RNF111: variants seen among roughly 807,000 people sequenced by gnomAD.
The protein encoded by RNF111 is E3 ubiquitin-protein ligase Arkadia.
A neutral mutation model predicts 95.1 loss-of-function variants in RNF111; 17 were observed. The observed-to-expected ratio is 0.18, with a 90% confidence interval of 0.12 to 0.27. The LOEUF is 0.27. Ranked by LOEUF, RNF111 falls within the 10% of genes least tolerant of loss-of-function variation. The pLI is 1.00. For missense variants in RNF111, 1,189 were observed against 1,210.4 expected, an observed-to-expected ratio of 0.98 and a Z score of 0.26; for synonymous variants, 440 against 414.8, an observed-to-expected ratio of 1.06 and a Z score of -0.74.
intron 1 of RNF111, among the ~76,000 whole-genome samples, chr15:58,994,374 C>A (rs908068800): frequency 6.6e-6 from 1 of 151,578 alleles, no homozygotes; most frequent in South Asian, 2.1e-4. Context: ...TTCAAACTTA[C>A]CGAAAGATTT....
At chr15:58,994,465 T>TTC (rs1445579141) in intron 1 of RNF111, among the ~76,000 whole-genome samples, 9 of 148,484 alleles carry the variant, frequency 6.1e-5, no homozygotes, top group East Asian at 2.0e-4. Context: ...CTTTCTTATT[T>TTC]TCTCTCTCTT....
chr15:59,092,499 T>C (rs1278437711), intron 12 of RNF111, 38 bp from the exon 13 acceptor site: 29 of 1,583,402 alleles, frequency 1.8e-5, no homozygotes, highest in Non-Finnish European at 2.5e-5. Context: ...AATAATGTCA[T>C]CTCTACTAAT....
At chr15:59,044,052 CAG>C (rs1192100496) in intron 2 of RNF111, among the ~76,000 whole-genome samples, 1 of 151,922 alleles carries the variant, frequency 6.6e-6, no homozygotes, top group East Asian at 1.9e-4. Context: ...TGGGGGGAGA[CAG>C]AGTTTCGCTT....
intron 1 of RNF111, among the ~76,000 whole-genome samples, chr15:59,029,499 T>A (rs1352781094): frequency 6.6e-6 from 1 of 152,220 alleles, no homozygotes; most frequent in African/African-American, 2.4e-5. Flanking sequence ...TTTGATAGCT[T>A]TCTGTAGGAA....
At chr15:59,013,237 A>G (rs1195648380) in intron 1 of RNF111, among the ~76,000 whole-genome samples, 1 of 152,218 alleles carries the variant, frequency 6.6e-6, no homozygotes, top group Non-Finnish European at 1.5e-5. Flanking sequence ...CAAAAATAGT[A>G]CACAGAGTTC....
intron 1 of RNF111, among the ~76,000 whole-genome samples, chr15:58,991,579 G>GT (rs1426364959): frequency 1.3e-5 from 2 of 152,154 alleles, no homozygotes; most frequent in African/African-American, 4.8e-5. Context: ...TGGTTAGGGA[G>GT]GGCCTTTTTA....
chr15:59,003,177 T>G (rs2039398740), intron 1 of RNF111, among the ~76,000 whole-genome samples: 1 of 151,824 alleles, frequency 6.6e-6, no homozygotes, highest in Admixed American at 6.6e-5. Context: ...GTGCAGTGGC[T>G]CAATGTCAGC....
Position 58,993,909 on chromosome 15 carries a change from A to T in RNF111, c.-20+5841A>T, listed in dbSNP as rs540080361. ...AAATAGAAAATTTAAGAAATTCTAT[A>T]TATGGCTAGGTGTCAAGTCTGAATC... On this transcript the variant is annotated intron_variant, in intron 1 of 13. Coordinates refer to ENST00000348370, the MANE Select transcript of RNF111 (RefSeq NM_017610.8). 1.4e-4 allele frequency among the ~76,000 whole-genome samples: 22 copies of T among 152,250 alleles called. No individual in the cohort carries two copies. The South Asian group carries it at 4.3e-3, about 30-fold the overall frequency.
intron 1 of RNF111, among the ~76,000 whole-genome samples, chr15:59,030,135 G>A (rs1468523458): frequency 2.6e-5 from 4 of 152,138 alleles, no homozygotes; most frequent in Non-Finnish European, 4.4e-5. Flanking sequence ...ATGTTCTGCT[G>A]TATTGTTTAT....
intron 6 of RNF111, among the ~76,000 whole-genome samples, chr15:59,071,020 G>A (rs751583310): frequency 5.9e-5 from 9 of 152,092 alleles, no homozygotes; most frequent in Non-Finnish European, 1.2e-4. Flanking sequence ...AGAAGTGGCC[G>A]GGCGCGGTGG....
chr15:59,078,840 T>C (rs948808376), intron 7 of RNF111, among the ~76,000 whole-genome samples: 3 of 144,360 alleles, frequency 2.1e-5, no homozygotes, highest in African/African-American at 7.8e-5. Context: ...GCCTGGGCGA[T>C]AGAGCGAGTC....
At chr15:59,034,185 G>A (rs1397079555) in intron 2 of RNF111, among the ~76,000 whole-genome samples, 2 of 152,058 alleles carry the variant, frequency 1.3e-5, no homozygotes, top group Non-Finnish European at 2.9e-5. Context: ...CATTTGCATA[G>A]TATTCCCTTT....
chr15:59,019,826 G>A (rs894409331), intron 1 of RNF111, among the ~76,000 whole-genome samples: 4 of 152,012 alleles, frequency 2.6e-5, no homozygotes, highest in East Asian at 1.9e-4. Context: ...AGGTGTGGTG[G>A]TGTGTGCCTA....
intron 10 of RNF111, among the ~76,000 whole-genome samples, chr15:59,087,719 C>A (rs1369491594): frequency 1.3e-5 from 2 of 152,068 alleles, no homozygotes; most frequent in Non-Finnish European, 2.9e-5. Flanking sequence ...AGGAGGGATT[C>A]ATCTTGCTGT....
chr15:59,042,037 T>C (rs1298881492), intron 2 of RNF111, among the ~76,000 whole-genome samples: 2 of 151,926 alleles, frequency 1.3e-5, no homozygotes, highest in Non-Finnish European at 2.9e-5. Flanking sequence ...TAGAAGCTTT[T>C]TATATATTAG....
intron 1 of RNF111, among the ~76,000 whole-genome samples, chr15:58,992,074 T>G (rs2038840969): frequency 6.6e-6 from 1 of 152,080 alleles, no homozygotes; most frequent in Non-Finnish European, 1.5e-5. Context: ...GAGATGGAGT[T>G]TCCCTCGTTG....
intron 6 of RNF111, among the ~76,000 whole-genome samples, chr15:59,073,623 A>T (rs2043041663): frequency 6.6e-6 from 1 of 152,202 alleles, no homozygotes; most frequent in Non-Finnish European, 1.5e-5. Flanking sequence ...TCTTCACGAC[A>T]TCTGTAGTTA....
Position 59,081,257 on chromosome 15 carries a change from A to T in RNF111, c.2270A>T (p.Gln757Leu). 6.2e-7 allele frequency: 1 copy of T among 1,614,078 alleles called. No homozygotes were observed. Among genetic ancestry groups the T allele is most frequent in the Non-Finnish European group, 8.5e-7 (1 of 1,180,012 alleles). The change falls in exon 8 of 14, where the codon CAA (glutamine) becomes CTA (leucine). Residue 757 changes from glutamine to leucine, a missense_variant. This residue lies in a region of RNF111 where 1,024 missense variants were observed against 925.9 expected (regional missense o/e 1.11). Transcript: ENST00000348370. ...GAAGTGATGCAGAGGATGGAAGTTC[A>T]AAGGAGGAGGATGATGCAGCATCCA... ...PHEVMQRMEV[Q>L]RRRMMQHPTR...
Position 59,094,924 on chromosome 15 carries a change from C to A in RNF111, c.*24C>A. The A allele has an allele frequency of 7.4e-7, 1 of 1,342,934 alleles. No homozygotes were observed. Among genetic ancestry groups the A allele is most frequent in the South Asian group, 1.2e-5 (1 of 85,582 alleles). The allele number at this position is 1,342,934 out of a possible 1,614,324, so 83.2% of individuals were successfully genotyped here. A position where few individuals can be genotyped will look rare whatever the true frequency, so the allele number is the denominator to read the frequency against. ...GACACCATGTTTCAGAACTCTTGCCCTCCCTCTCATTCCCATCCTTCCTGG... is the reference window on the plus strand; with the variant it reads ...GACACCATGTTTCAGAACTCTTGCCATCCCTCTCATTCCCATCCTTCCTGG... On this transcript the variant is annotated 3_prime_UTR_variant, in exon 14 of 14. Transcript: ENST00000348370.
Sources: gnomAD v4.1 joint callset for allele counts (sites outside exome capture counted in the v4.1 genomes callset) on GRCh38, gnomAD v4.1.1 for gene constraint, gnomAD v4.1.1 regional missense constraint, MANE v1.5 for transcripts, NCBI Gene and HGNC (gene_info 2026-07-23, HGNC 2026-07-21) for gene names.